KIFAP3: variants seen among roughly 807,000 people sequenced by gnomAD.
The protein encoded by KIFAP3 is kinesin-associated protein 3.
Under a neutral mutation model 106.5 loss-of-function variants are expected in KIFAP3, and 68 were observed. The ratio of observed to expected loss-of-function variants is 0.64; its 90% CI spans 0.53 to 0.78. The LOEUF is 0.78. KIFAP3 is among the 30% of genes least tolerant of loss of function. The pLI, the probability that KIFAP3 is intolerant of heterozygous loss-of-function variation, is 0.00. For synonymous variants in KIFAP3, 320 were observed against 311.5 expected (o/e 1.03, Z -0.29); for missense variants, 780 against 941.8 (o/e 0.83, Z 2.25).
chr1:170,026,994 T>C (rs953667536), intron 8 of KIFAP3, among the ~76,000 whole-genome samples: 9 of 150,356 alleles, frequency 6.0e-5, no homozygotes, highest in Admixed American at 1.3e-4. Flanking sequence ...TACAACAATG[T>C]AAATTTCACT....
At chr1:170,080,406 A>G (rs1007217361) in intron 1 of KIFAP3, among the ~76,000 whole-genome samples, 5 of 152,098 alleles carry the variant, frequency 3.3e-5, no homozygotes, top group Non-Finnish European at 7.4e-5. Flanking sequence ...TTACAAATTG[A>G]CAGGTTGATT....
intron 10 of KIFAP3, among the ~76,000 whole-genome samples, chr1:169,995,828 T>C (rs188905559): frequency 7.9e-5 from 12 of 152,006 alleles, no homozygotes; most frequent in Admixed American, 2.0e-4. Flanking sequence ...TCCTGAACAT[T>C]GGGAGAAGCT....
At chr1:170,018,678 C>T (rs1023131712) in intron 9 of KIFAP3, among the ~76,000 whole-genome samples, 6 of 150,726 alleles carry the variant, frequency 4.0e-5, no homozygotes, top group African/African-American at 1.2e-4. Context: ...TTTATTTATA[C>T]CACCCATTTC....
Position 169,998,899 on chromosome 1 carries a change from A to G in KIFAP3, c.1184-6644T>C, listed in dbSNP as rs200016213. ...AGCCTATAACTTCACGGCATCTAGCAGATATCTGGAACCTACAACAAAAAG... is the reference window on the plus strand; with the variant it reads ...AGCCTATAACTTCACGGCATCTAGCGGATATCTGGAACCTACAACAAAAAG... On this transcript the variant is annotated intron_variant, in intron 10 of 19. Coordinates refer to ENST00000361580, the MANE Select transcript of KIFAP3 (RefSeq NM_014970.4). 2.6e-5 allele frequency among the ~76,000 whole-genome samples: 4 copies of G among 152,322 alleles called. No individual in the cohort carries two copies. In the East Asian group the frequency reaches 7.7e-4, roughly 29 times the overall value.
At chr1:170,042,617 C>T (rs1340595648) in intron 3 of KIFAP3, among the ~76,000 whole-genome samples, 1 of 152,192 alleles carries the variant, frequency 6.6e-6, no homozygotes, top group African/African-American at 2.4e-5. Context: ...GAGGTACTAA[C>T]TGAGGGTTCC....
intron 1 of KIFAP3, among the ~76,000 whole-genome samples, chr1:170,072,931 TTGAC>T (rs1671770627): frequency 6.6e-6 from 1 of 152,220 alleles, no homozygotes; most frequent in African/African-American, 2.4e-5. Flanking sequence ...AAACATTACA[TTGAC>T]TGGCTTGGTT....
chr1:170,055,340 G>T lies in KIFAP3; in HGVS notation c.129C>A (p.Asp43Glu), dbSNP rs767973730. The T allele has an allele frequency of 1.1e-5, 18 of 1,608,398 alleles. No homozygotes were observed. Among genetic ancestry groups the T allele is most frequent in the Non-Finnish European group, 1.2e-5 (14 of 1,178,436 alleles). The change falls in exon 2 of 20, where the codon GAC becomes GAA. Residue 43 changes from aspartate to glutamate, a missense_variant. This residue lies in a region of KIFAP3 where 588 missense variants were observed against 678.9 expected (regional missense o/e 0.87). Coordinates refer to ENST00000361580, the MANE Select transcript of KIFAP3 (RefSeq NM_014970.4). ...VEATILGEMGDPMLGERKECQ... is the reference protein window; with the variant it reads ...VEATILGEMGEPMLGERKECQ... ...ATTCTTTTCGTTCTCCCAACATGGG[G>T]TCCCCCATTTCTCCAAGAATGGTAG...
chr1:170,025,099 C>T (rs1669040360), intron 8 of KIFAP3, among the ~76,000 whole-genome samples: 1 of 152,096 alleles, frequency 6.6e-6, no homozygotes, highest in Admixed American at 6.6e-5. Flanking sequence ...ATCAACTTTT[C>T]ATATGCAAAC....
upstream of KIFAP3, chr1:170,074,759 G>A: frequency 7.7e-7 from 1 of 1,302,026 alleles, no homozygotes; most frequent in Non-Finnish European, 9.8e-7. Flanking sequence ...CTCAGTCTGA[G>A]GCGGTGGCCT....
chr1:169,971,217 A>T (rs1274853016), intron 17 of KIFAP3, among the ~76,000 whole-genome samples: 2 of 152,034 alleles, frequency 1.3e-5, no homozygotes, highest in Non-Finnish European at 2.9e-5. Flanking sequence ...TGCATAACAG[A>T]CTGACAACTC....
chr1:169,990,851 T>C (rs977094335), intron 11 of KIFAP3, among the ~76,000 whole-genome samples: 5 of 152,126 alleles, frequency 3.3e-5, no homozygotes, highest in Non-Finnish European at 7.4e-5. Context: ...AGAGCAGTTG[T>C]ATAAAAATGA....
In KIFAP3 at chr1:170,060,536, T is replaced by A. The variant is rs980037577; in HGVS notation, c.33-5100A>T. 1.1e-4 allele frequency among the ~76,000 whole-genome samples: 17 copies of A among 152,228 alleles called. No individual in the cohort carries two copies. The Middle Eastern group carries it at 0.01, about 91-fold the overall frequency. On this transcript the variant is annotated intron_variant, in intron 1 of 19. Transcript: ENST00000361580. ...AGGACACAAACAAATGGAAGAACATTCCATGCTCATGGATAGGAAGAATCA... is the reference window on the plus strand; with the variant it reads ...AGGACACAAACAAATGGAAGAACATACCATGCTCATGGATAGGAAGAATCA...
At chr1:170,045,215 T>C (rs1670181591) in intron 3 of KIFAP3, among the ~76,000 whole-genome samples, 1 of 152,126 alleles carries the variant, frequency 6.6e-6, no homozygotes, top group Admixed American at 6.6e-5. Context: ...TTCCATCTTG[T>C]CTATGTAGTT....
chr1:170,040,419 T>G (rs923429623), intron 3 of KIFAP3, among the ~76,000 whole-genome samples: 1 of 152,178 alleles, frequency 6.6e-6, no homozygotes, highest in African/African-American at 2.4e-5. Context: ...AATTATTTTA[T>G]CCATGTATGA....
At chr1:170,000,195 T>C (rs1272428143) in intron 10 of KIFAP3, among the ~76,000 whole-genome samples, 2 of 152,146 alleles carry the variant, frequency 1.3e-5, no homozygotes, top group African/African-American at 2.4e-5. Context: ...GCTTCTGCAG[T>C]AGATCCAGCC....
intron 8 of KIFAP3, among the ~76,000 whole-genome samples, chr1:170,030,983 G>A (rs1478917345): frequency 6.6e-6 from 1 of 151,746 alleles, no homozygotes; most frequent in East Asian, 1.9e-4. Flanking sequence ...GCTGTTAAGA[G>A]AGTATACAAT....
chr1:170,016,277 T>C (rs1326260174), intron 10 of KIFAP3, among the ~76,000 whole-genome samples, 185 bp downstream of exon 10: 1 of 152,210 alleles, frequency 6.6e-6, no homozygotes, highest in Non-Finnish European at 1.5e-5. Context: ...TTTCATTCCA[T>C]AGCACCATGG....
chr1:169,958,435 T>C (rs664962), intron 18 of KIFAP3, among the ~76,000 whole-genome samples: 142,324 of 152,184 alleles, frequency 0.94, 66,640 homozygotes, highest in East Asian at 0.99. Context: ...ATATTGGGCT[T>C]TTTGGTGAAC....
chr1:170,034,708 T>G (rs559466336), intron 6 of KIFAP3, among the ~76,000 whole-genome samples: 1 of 152,036 alleles, frequency 6.6e-6, no homozygotes, highest in South Asian at 2.1e-4. Context: ...ATAGTTATTT[T>G]TAAGAAGTTA....
Sources: allele counts gnomAD v4.1 joint callset (sites outside exome capture counted in the v4.1 genomes callset), GRCh38; gene constraint gnomAD v4.1.1; regional missense constraint gnomAD v4.1.1; transcripts MANE v1.5; gene names NCBI Gene and HGNC (gene_info 2026-07-23, HGNC 2026-07-21).